ANXA8: variants seen among roughly 807,000 people sequenced by gnomAD.
The protein encoded by ANXA8 is annexin A8.
A neutral mutation model predicts 26.8 loss-of-function variants in ANXA8; 9 were observed. The ratio of observed to expected loss-of-function variants is 0.34; its 90% CI spans 0.20 to 0.59. The LOEUF (loss-of-function observed/expected upper bound fraction) is 0.59. Among genes scored for constraint, ANXA8 ranks in the 20% least tolerant of loss-of-function variants. ANXA8 has a pLI of 0.84. For missense variants in ANXA8, 83 were observed against 238.5 expected, an observed-to-expected ratio of 0.35 and a Z score of 4.29; for synonymous variants, 39 against 94.8, an observed-to-expected ratio of 0.41 and a Z score of 3.42.
chr10:47,657,128 G>T, the ANXA8 span, among the ~76,000 whole-genome samples: 1 of 151,162 alleles, frequency 6.6e-6, no homozygotes, highest in African/African-American at 2.4e-5. Flanking sequence ...AGGAATCAAA[G>T]ATATTGTCAC....
the ANXA8 span, among the ~76,000 whole-genome samples, chr10:47,951,153 TA>T: frequency 6.7e-6 from 1 of 149,346 alleles, no homozygotes; most frequent in Non-Finnish European, 1.5e-5. Flanking sequence ...AATATGGGGA[TA>T]TTATAGAAGC....
chr10:47,666,129 T>C, the ANXA8 span, among the ~76,000 whole-genome samples: 1 of 149,328 alleles, frequency 6.7e-6, no homozygotes, highest in Non-Finnish European at 1.5e-5. Context: ...CTAGTTGTTT[T>C]TCCTATTTCT....
chr10:47,918,383 G>A, the ANXA8 span, among the ~76,000 whole-genome samples: 976 of 10,258 alleles, frequency 0.095, 58 homozygotes, highest in African/African-American at 0.31. Context: ...GAGAGAGAGA[G>A]AGAAAGAAAG....
chr10:47,489,520 G>T, the ANXA8 span: 1 of 594,648 alleles, frequency 1.7e-6, no homozygotes, highest in East Asian at 2.8e-5. Context: ...CAAAGAACAG[G>T]TTGGCCCAGC....
the ANXA8 span, among the ~76,000 whole-genome samples, chr10:47,733,303 T>TC: frequency 8.6e-6 from 1 of 116,674 alleles, no homozygotes; most frequent in East Asian, 3.0e-4. Flanking sequence ...TTCTTTTTTT[T>TC]CTTTCTCTCT....
chr10:47,503,196 G>A, the ANXA8 span: 52 of 1,602,450 alleles, frequency 3.2e-5, no homozygotes, highest in South Asian at 1.2e-4. Context: ...AGGTGAGCAC[G>A]CCATTGGAAC....
the ANXA8 span, among the ~76,000 whole-genome samples, chr10:47,587,194 A>T: frequency 7.5e-6 from 1 of 132,528 alleles, no homozygotes; most frequent in Non-Finnish European, 1.6e-5. Context: ...ACAGAGGAAG[A>T]CTCTGTCTCA....
At chr10:47,706,004 G>C in the ANXA8 span, among the ~76,000 whole-genome samples, 17 of 113,684 alleles carry the variant, frequency 1.5e-4, no homozygotes, top group African/African-American at 5.2e-4. Flanking sequence ...GGCGTGTTGT[G>C]GGGGGGGAGG....
the ANXA8 span, among the ~76,000 whole-genome samples, chr10:47,904,148 C>A: frequency 2.4e-5 from 1 of 41,476 alleles, no homozygotes; most frequent in African/African-American, 2.3e-4. Flanking sequence ...CTGCCTCAGC[C>A]TCCTGAGTAG....
the ANXA8 span, among the ~76,000 whole-genome samples, chr10:47,685,122 G>A: frequency 1.4e-3 from 206 of 149,994 alleles, 2 homozygotes; most frequent in African/African-American, 4.5e-3. Flanking sequence ...TGAGGCGGGC[G>A]GATCAGCTGA....
At chr10:47,517,538 C>T in the ANXA8 span, among the ~76,000 whole-genome samples, 150 of 144,844 alleles carry the variant, frequency 1.0e-3, no homozygotes, top group African/African-American at 3.8e-3. Context: ...TCCTAAAGTG[C>T]TGTGATTACA....
At chr10:47,685,703 C>G in the ANXA8 span, among the ~76,000 whole-genome samples, 3 of 149,452 alleles carry the variant, frequency 2.0e-5, no homozygotes. Flanking sequence ...AAGAGGTGGC[C>G]CAAGGAGGAA....
chr10:47,526,056 G>T, the ANXA8 span, among the ~76,000 whole-genome samples: 1 of 136,958 alleles, frequency 7.3e-6, no homozygotes, highest in African/African-American at 2.7e-5. Flanking sequence ...ACAGGAATGA[G>T]CCATCGTGCC....
At chr10:47,678,509 CAAAACTGGGGGA>C in the ANXA8 span, among the ~76,000 whole-genome samples, 18 of 146,914 alleles carry the variant, frequency 1.2e-4, no homozygotes, top group Non-Finnish European at 3.0e-5. Context: ...ATATAATATC[CAAAACTGGGGGA>C]AAAACTGGAT....
chr10:47,555,009 C>T, the ANXA8 span, among the ~76,000 whole-genome samples: 3 of 151,290 alleles, frequency 2.0e-5, no homozygotes, highest in Admixed American at 6.6e-5. Flanking sequence ...TTGTCAGGTC[C>T]AAGGACTGCA....
At chr10:47,555,000 T>C in the ANXA8 span, among the ~76,000 whole-genome samples, 1 of 151,246 alleles carries the variant, frequency 6.6e-6, no homozygotes, top group African/African-American at 2.4e-5. Context: ...CCTTAGACCT[T>C]GTCAGGTCCA....
chr10:47,631,380 C>T, the ANXA8 span, among the ~76,000 whole-genome samples: 1 of 151,688 alleles, frequency 6.6e-6, no homozygotes, highest in Admixed American at 6.6e-5. Context: ...TATTAACCAG[C>T]TTTATATGAC....
At chr10:47,706,746 C>T in the ANXA8 span, 155 of 1,439,642 alleles carry the variant, frequency 1.1e-4, 20 homozygotes, top group Middle Eastern at 2.5e-4. Context: ...AGTCTTCATG[C>T]TCGGTGATGT....
At chr10:47,718,125 C>A in the ANXA8 span, among the ~76,000 whole-genome samples, 1 of 152,258 alleles carries the variant, frequency 6.6e-6, no homozygotes, top group East Asian at 1.9e-4. Context: ...ATGTAACAAA[C>A]CTGCACATCT....
Sources: allele counts gnomAD v4.1 joint callset (sites outside exome capture counted in the v4.1 genomes callset), GRCh38; gene constraint gnomAD v4.1.1; transcripts MANE v1.5; gene names NCBI Gene and HGNC (gene_info 2026-07-23, HGNC 2026-07-21).